Variants in RNLS observed in about 807,000 individuals in gnomAD.
RNLS encodes renalase.
A neutral mutation model predicts 39.8 loss-of-function variants in RNLS; 39 were observed. The observed-to-expected ratio is 0.98, with a 90% CI of 0.76 to 1.28. The LOEUF is 1.28. Ranked by LOEUF, RNLS falls within the 50% of genes most tolerant of loss-of-function variation. The pLI, the probability that RNLS is intolerant of heterozygous loss-of-function variation, is 0.00. For synonymous variants in RNLS, 147 were observed against 150.7 expected, an observed-to-expected ratio of 0.98 and a Z score of 0.18; for missense variants, 410 against 413.3, an observed-to-expected ratio of 0.99 and a Z score of 0.07.
At chr10:88,204,663 C>T in the RNLS span, among the ~76,000 whole-genome samples, 1 of 152,226 alleles carries the variant, frequency 6.6e-6, no homozygotes, top group South Asian at 2.1e-4. Flanking sequence ...ATTATCTTCT[C>T]CCCGTACATG....
Position 88,471,152 on chromosome 10 carries a change from G to C in RNLS, c.526+101751C>G, listed in dbSNP as rs187530289. Among the ~76,000 whole-genome samples, 18 of 152,220 alleles carry C rather than the reference G, an allele frequency of 1.2e-4. No homozygotes were observed. In the East Asian group the frequency reaches 3.1e-3, roughly 26 times the overall value. ...ATTTAAGTAAAGCACTTAGCACAAG[G>C]CTGGAACAGAATGTGCTCAGTACAT... is the stretch of plus-strand genomic sequence containing the variant. On this transcript the variant is annotated intron_variant, in intron 4 of 6. Transcript: ENST00000331772.
At chr10:88,191,129 C>T in the RNLS span, among the ~76,000 whole-genome samples, 76 of 152,332 alleles carry the variant, frequency 5.0e-4, no homozygotes, top group African/African-American at 1.8e-3. Flanking sequence ...GAGGCTTTGG[C>T]AGCCTCTGCA....
At chr10:88,208,979 A>C in the RNLS span, among the ~76,000 whole-genome samples, 2 of 152,122 alleles carry the variant, frequency 1.3e-5, no homozygotes, top group Non-Finnish European at 2.9e-5. Context: ...TAAAAACCTA[A>C]AGAACATATA....
chr10:88,326,004 C>T (rs1005648763), intron 5 of RNLS, among the ~76,000 whole-genome samples: 5 of 152,160 alleles, frequency 3.3e-5, no homozygotes, highest in South Asian at 2.1e-4. Flanking sequence ...CTTTGCCTTC[C>T]GCCATGATTG....
intron 4 of RNLS, among the ~76,000 whole-genome samples, chr10:88,418,692 G>C (rs1854192198): frequency 6.6e-6 from 1 of 152,144 alleles, no homozygotes; most frequent in Non-Finnish European, 1.5e-5. Context: ...AATTGCACAA[G>C]TGGTTCAAGC....
intron 4 of RNLS, among the ~76,000 whole-genome samples, chr10:88,408,098 T>C (rs1351534015): frequency 6.6e-6 from 1 of 152,138 alleles, no homozygotes; most frequent in African/African-American, 2.4e-5. Flanking sequence ...GTGTTTAAAC[T>C]GCATATAGTT....
chr10:88,342,264 G>A lies in RNLS; in HGVS notation c.700+20288C>T, dbSNP rs151144397. Among the ~76,000 whole-genome samples the A allele has an allele frequency of 2.2e-4, 34 of 152,216 alleles. No homozygotes were observed. In the East Asian group the frequency reaches 5.4e-3, roughly 24 times the overall value. Reference sequence around the variant, plus strand: ...AAGCCACAGTGTGTCAGCCACAAGCGCCTTTGTAGCAGTAAGATTTGGGAC... The same window carrying A: ...AAGCCACAGTGTGTCAGCCACAAGCACCTTTGTAGCAGTAAGATTTGGGAC... On this transcript the variant is annotated intron_variant, in intron 5 of 6. Transcript: ENST00000331772.
At chr10:88,451,386 C>T (rs1478196027) in intron 4 of RNLS, among the ~76,000 whole-genome samples, 4 of 152,174 alleles carry the variant, frequency 2.6e-5, no homozygotes, top group East Asian at 1.9e-4. Flanking sequence ...AAGCCCCCAC[C>T]GCATGGGGCT....
At chr10:88,499,123 G>A (rs531827607) in intron 4 of RNLS, among the ~76,000 whole-genome samples, 1 of 152,290 alleles carries the variant, frequency 6.6e-6, no homozygotes, top group Non-Finnish European at 1.5e-5. Flanking sequence ...CAGTGCCGAA[G>A]TGATTAAAAG....
chr10:88,422,086 G>T (rs1179270184), intron 4 of RNLS, among the ~76,000 whole-genome samples: 2 of 152,174 alleles, frequency 1.3e-5, no homozygotes, highest in Non-Finnish European at 2.9e-5. Context: ...CTCTTGAGAA[G>T]GATAAAGCTT....
chr10:88,447,125 C>T (rs1263079441), intron 4 of RNLS, among the ~76,000 whole-genome samples: 10 of 152,198 alleles, frequency 6.6e-5, no homozygotes, highest in Non-Finnish European at 1.3e-4. Flanking sequence ...TCCTCTCTCA[C>T]CATTCCTATT....
intron 4 of RNLS, among the ~76,000 whole-genome samples, chr10:88,417,681 T>C (rs1308020734): frequency 6.6e-6 from 1 of 152,214 alleles, no homozygotes; most frequent in Non-Finnish European, 1.5e-5. Context: ...TGTGTTATTA[T>C]GACAATGCCA....
chr10:88,488,734 G>A (rs1012751262), intron 4 of RNLS, among the ~76,000 whole-genome samples: 2 of 152,060 alleles, frequency 1.3e-5, no homozygotes, highest in African/African-American at 2.4e-5. Context: ...CAAATTTTCC[G>A]TGATTACAGT....
At chr10:88,537,581 T>C (rs1847827473) in intron 4 of RNLS, among the ~76,000 whole-genome samples, 1 of 152,060 alleles carries the variant, frequency 6.6e-6, no homozygotes, top group South Asian at 2.1e-4. Flanking sequence ...TAATGCTGAG[T>C]GGGAGAAACT....
chr10:88,469,962 T>C (rs1422686572), intron 4 of RNLS, among the ~76,000 whole-genome samples: 3 of 151,658 alleles, frequency 2.0e-5, no homozygotes, highest in Non-Finnish European at 2.9e-5. Context: ...TACATATACA[T>C]ATGTATATCT....
the RNLS span, among the ~76,000 whole-genome samples, chr10:88,201,338 A>G: frequency 6.6e-6 from 1 of 152,138 alleles, no homozygotes; most frequent in African/African-American, 2.4e-5. Context: ...GGCTTGTGAC[A>G]TTTTGATGAA....
rs1296366605 is a variant in RNLS, at chr10:88,526,765, C to CAA, written c.526+46136_526+46137dup. 4.5e-4 allele frequency among the ~76,000 whole-genome samples: 53 copies of CAA among 118,566 alleles called. 1 individual carries two copies. Among genetic ancestry groups the CAA allele is most frequent in the Middle Eastern group, 4.6e-3 (1 of 216 alleles). The allele number at this position is 118,566 out of a possible 152,430, so 77.8% of individuals were successfully genotyped here. On this transcript the variant is annotated intron_variant, in intron 4 of 6. Transcript: ENST00000331772. ...TGGGTGACAGAGCAAGACTCTGTCT[C>CAA]AAAAAAAAAAAAAATCTGGAAGCTA...
At chr10:88,442,280 T>G (rs1453755917) in intron 4 of RNLS, among the ~76,000 whole-genome samples, 1 of 152,246 alleles carries the variant, frequency 6.6e-6, no homozygotes, top group East Asian at 1.9e-4. Context: ...GTATATTGTT[T>G]ATTTATTATA....
At chr10:88,501,286 CTG>C (rs1455217819) in intron 4 of RNLS, among the ~76,000 whole-genome samples, 1 of 152,078 alleles carries the variant, frequency 6.6e-6, no homozygotes. Context: ...TAGTCATTAT[CTG>C]TGTCCCTGTC....
Sources: allele counts gnomAD v4.1 joint callset (sites outside exome capture counted in the v4.1 genomes callset), GRCh38; gene constraint gnomAD v4.1.1; transcripts MANE v1.5; gene names NCBI Gene and HGNC (gene_info 2026-07-23, HGNC 2026-07-21).